The following ZNF615 variants were observed in gnomAD, a reference collection of about 807,000 sequenced individuals.
The protein encoded by ZNF615 is zinc finger protein 615.
Under a neutral mutation model 15.3 loss-of-function variants are expected in ZNF615, and 15 were observed. The observed-to-expected ratio is 0.98, with a 90% CI of 0.66 to 1.51. The LOEUF (loss-of-function observed/expected upper bound fraction) is 1.51. ZNF615 is among the 40% of genes most tolerant of loss of function. The pLI, the probability that ZNF615 is intolerant of heterozygous loss-of-function variation, is 0.00. For synonymous variants in ZNF615, 268 were observed against 294.6 expected (o/e 0.91, Z 0.92); for missense variants, 848 against 895.9 (o/e 0.95, Z 0.68).
At chr19:51,994,985 T>C in intron 6 of ZNF615, 148 bp from the exon 7 acceptor site, 1 of 809,830 alleles carries the variant, frequency 1.2e-6, no homozygotes, top group African/African-American at 1.8e-5. Context: ...AATAAAGCTT[T>C]TTAATCACCT....
chr19:51,993,655 T>C lies in ZNF615; in HGVS notation c.1454A>G (p.His485Arg). ...CTTCTCTGCAGTATGAGTTCGCTGA[T>C]GTACAATGAGGTCACTCTTCATGGT... ...GFTMKSDLIV[H>R]QRTHTAEKPY... The change falls in exon 7 of 7, where the codon CAT becomes CGT. Residue 485 changes from histidine to arginine, a missense_variant. By Grantham distance (29) the His-to-Arg change is conservative. Transcript: ENST00000598071. 6.2e-7 allele frequency: 1 copy of C among 1,614,158 alleles called. No homozygotes were observed. The highest frequency in any genetic ancestry group is 8.5e-7 in the Non-Finnish European group (1 of 1,180,016).
intron 6 of ZNF615, among the ~76,000 whole-genome samples, chr19:51,999,930 G>A (rs1032033896): frequency 1.3e-5 from 2 of 152,108 alleles, no homozygotes; most frequent in African/African-American, 2.4e-5. Flanking sequence ...GATTTAAACA[G>A]GACAGCCTGC....
intron 2 of ZNF615, chr19:52,004,485 C>T (rs1002305230): frequency 2.0e-5 from 3 of 152,052 alleles, no homozygotes; most frequent in Non-Finnish European, 2.9e-5. Context: ...CCTCCATCTC[C>T]TGGGTTCAAG....
chr19:51,993,532 C>A lies in ZNF615; in HGVS notation c.1577G>T (p.Gly526Val). 2.5e-6 allele frequency: 4 copies of A among 1,613,444 alleles called. No individual in the cohort carries two copies. Among genetic ancestry groups the A allele is most frequent in the Non-Finnish European group, 3.4e-6 (4 of 1,179,870 alleles). ...THTGEKPYVC[G>V]ECGKGFPAKI... ...TGCTGGAAAGCCTTTTCCACACTCA[C>A]CACATACATAGGGTTTTTCTCCAGT... Residue 526 changes from glycine to valine, a missense_variant, in exon 7 of 7, where the codon GGT becomes GTT. Transcript: ENST00000598071.
rs1223282338 is a variant in ZNF615 at position 51,993,924 on chromosome 19, C to T, written c.1185G>A (p.Lys395=). The T allele has an allele frequency of 6.2e-7, 1 of 1,614,050 alleles. No homozygotes were observed. The highest frequency in any genetic ancestry group is 2.2e-5 in the East Asian group (1 of 44,892). The change falls in exon 7 of 7, where the codon AAG becomes AAA. Residue 395 remains lysine, a synonymous_variant. Coordinates refer to ENST00000598071, the MANE Select transcript of ZNF615 (RefSeq NM_001199324.2). ...CNKCGKGFTL[K]NSLITHQQTH... ...TTTGCTGATGTGTGATAAGACTGTT[C>T]TTCAAGGTGAAGCCTTTCCCACATT... is the stretch of plus-strand genomic sequence containing the variant.
rs2086312245 is a variant in ZNF615 at position 51,993,627 on chromosome 19, T to C, written c.1482A>G (p.Pro494=). 6.2e-7 allele frequency: 1 copy of C among 1,613,520 alleles called. No homozygotes were observed. The part of the protein sequence containing the change: ...VHQRTHTAEK[P]YICNDCGKGF... ...CTTTTCCACAATCATTGCATATATA[T>C]GGCTTCTCTGCAGTATGAGTTCGCT... Residue 494 remains proline (P), a synonymous_variant, in exon 7 of 7, where the codon CCA becomes CCG. Transcript: ENST00000598071.
intron 1 of ZNF615, among the ~76,000 whole-genome samples, chr19:52,007,580 G>T (rs760926519): frequency 1.3e-5 from 2 of 152,106 alleles, no homozygotes; most frequent in Non-Finnish European, 2.9e-5. Context: ...AGCAGCCAGG[G>T]CTGGGGCTAA....
At position 51,993,845 on chromosome 19, in the gene ZNF615, T is replaced by C. The variant is rs764472662; in HGVS notation, c.1264A>G (p.Met422Val). The C allele has an allele frequency of 2.5e-5, 40 of 1,613,958 alleles. No homozygotes were observed. The highest frequency in any genetic ancestry group is 3.3e-5 in the Non-Finnish European group (39 of 1,180,000). ...TGATGTACCATGAGACAGTGCTTCA[T>C]TGAAAAGCCTTTTCCACATTCACTA... is the stretch of plus-strand genomic sequence containing the variant. The part of the protein sequence containing the change: ...TCSECGKGFS[M>V]KHCLMVHQRT... The change falls in exon 7 of 7, where the codon ATG becomes GTG. Residue 422 changes from methionine to valine, a missense_variant. Transcript: ENST00000598071.
Position 51,993,932 on chromosome 19 carries a change from T to A in ZNF615, c.1177A>T (p.Thr393Ser), listed in dbSNP as rs776876649. ...TGTGTGATAAGACTGTTCTTCAAGG[T>A]GAAGCCTTTCCCACATTTATTGCAT... Reference protein sequence around the residue: ...FICNKCGKGFTLKNSLITHQQ... With the variant: ...FICNKCGKGFSLKNSLITHQQ... The change falls in exon 7 of 7, where the codon ACC becomes TCC. Residue 393 changes from threonine (T) to serine (S), a missense_variant. Thr to Ser is a moderately conservative substitution (Grantham distance 58). Transcript: ENST00000598071. 8.1e-6 allele frequency: 13 copies of A among 1,614,044 alleles called. No individual in the cohort carries two copies. Among genetic ancestry groups the A allele is most frequent in the Middle Eastern group, 1.6e-4 (1 of 6,084 alleles).
rs771228228 is a variant in ZNF615, at chr19:51,994,620, T to C, written c.489A>G (p.Leu163=). 8.7e-6 allele frequency: 14 copies of C among 1,613,356 alleles called. No individual in the cohort carries two copies. In the South Asian group the frequency reaches 8.8e-5, roughly 10 times the overall value. ...CTCTATTAAACTCAGCAGAGTTCTT[T>C]AGGCCAGAGCTCCTTTTCTGGTTTT... ...SFENQKRSSG[L]KNSAEFNRDG... The change falls in exon 7 of 7, where the codon CTA becomes CTG. Residue 163 remains leucine (L), a synonymous_variant. Transcript: ENST00000598071.
chr19:51,994,040 A>G lies in ZNF615; in HGVS notation c.1069T>C (p.Cys357Arg). 5.6e-6 allele frequency: 9 copies of G among 1,614,100 alleles called. No homozygotes were observed. Among genetic ancestry groups the G allele is most frequent in the Non-Finnish European group, 7.6e-6 (9 of 1,180,022 alleles). Reference sequence around the variant, plus strand: ...ATGAAGCCTTTTCCACATTCACTACATATATAAGGTTTTTCTCCTGTATGA... The same window carrying G: ...ATGAAGCCTTTTCCACATTCACTACGTATATAAGGTTTTTCTCCTGTATGA... Reference protein sequence around the residue: ...KTHTGEKPYICSECGKGFIEK... With the variant: ...KTHTGEKPYIRSECGKGFIEK... Residue 357 changes from cysteine (C) to arginine (R), a missense_variant, in exon 7 of 7, where the codon TGT becomes CGT. By Grantham distance (180) the Cys-to-Arg change is radical (BLOSUM62 -3). Transcript: ENST00000598071.
intron 2 of ZNF615, 69 bp downstream of exon 2, chr19:52,007,224 A>T (rs2086777280): frequency 1.1e-6 from 1 of 903,922 alleles, no homozygotes; most frequent in South Asian, 1.4e-5. Context: ...TTAAGCACAT[A>T]ACATACACGT....
chr19:51,996,406 A>AAAAAG (rs1237970969), intron 6 of ZNF615, among the ~76,000 whole-genome samples: 2 of 151,042 alleles, frequency 1.3e-5, no homozygotes, highest in African/African-American at 4.9e-5. Context: ...AAAAAAAAAA[A>AAAAAG]AACGCAAAAC....
Position 51,993,659 on chromosome 19 carries a change from C to G in ZNF615, c.1450G>C (p.Val484Leu), listed in dbSNP as rs537197144. The G allele has an allele frequency of 2.5e-6, 4 of 1,613,932 alleles. No homozygotes were observed. In the South Asian group the frequency reaches 4.4e-5, roughly 18 times the overall value. The change falls in exon 7 of 7, where the codon GTA becomes CTA. Residue 484 changes from valine (V) to leucine (L), a missense_variant. Val to Leu is a conservative substitution (Grantham distance 32, BLOSUM62 1). Coordinates refer to ENST00000598071, the MANE Select transcript of ZNF615 (RefSeq NM_001199324.2). The part of the protein sequence containing the change: ...KGFTMKSDLI[V>L]HQRTHTAEKP... ...TCTGCAGTATGAGTTCGCTGATGTA[C>G]AATGAGGTCACTCTTCATGGTGAAA...
intron 5 of ZNF615, 80 bp from the exon 6 acceptor site, chr19:52,000,458 G>C: frequency 1.8e-6 from 1 of 544,436 alleles, no homozygotes; most frequent in South Asian, 2.7e-5. Flanking sequence ...TATTCTTAGA[G>C]GGAAGATGAT....
chr19:52,007,923 TACCCCGATCA>T (rs2086801283), intron 1 of ZNF615: 1 of 538,966 alleles, frequency 1.9e-6, no homozygotes, highest in East Asian at 3.0e-5. Context: ...GTCCCAGAGG[TACCCCGATCA>T]CACACACACA....
chr19:52,001,044 G>C (rs2086576088), intron 5 of ZNF615, among the ~76,000 whole-genome samples: 1 of 152,010 alleles, frequency 6.6e-6, no homozygotes, highest in Non-Finnish European at 1.5e-5. Flanking sequence ...CCAGAGTGGA[G>C]AAAATGAGGG....
At chr19:52,001,947 A>G in intron 4 of ZNF615, 39 bp from the exon 5 acceptor site, 4 of 1,609,840 alleles carry the variant, frequency 2.5e-6, no homozygotes, top group Non-Finnish European at 3.4e-6. Flanking sequence ...GACAAATCAA[A>G]CGGGGCTGGC....
At chr19:52,000,623 A>T (rs982933018) in intron 5 of ZNF615, among the ~76,000 whole-genome samples, 1 of 152,164 alleles carries the variant, frequency 6.6e-6, no homozygotes, top group African/African-American at 2.4e-5. Context: ...CGGGAATGAA[A>T]AAAACTTTTA....
Sources: gnomAD v4.1 joint callset for allele counts (sites outside exome capture counted in the v4.1 genomes callset) on GRCh38, gnomAD v4.1.1 for gene constraint, MANE v1.5 for transcripts, NCBI Gene and HGNC (gene_info 2026-07-23, HGNC 2026-07-21) for gene names.